Variants in GPC5 observed in about 807,000 individuals in gnomAD.
GPC5 encodes glypican 5.
GPC5 carries 47 observed loss-of-function variants against 53.9 expected under a neutral mutation model. That is an observed-to-expected ratio of 0.87 (90% CI 0.69 to 1.11). The LOEUF is 1.11. Ranked by LOEUF, GPC5 falls within the 50% of genes most tolerant of loss-of-function variation. GPC5 has a pLI of 0.00. For missense variants in GPC5, 748 were observed against 713.1 expected, an observed-to-expected ratio of 1.05 and a Z score of -0.56; for synonymous variants, 286 against 263.3, an observed-to-expected ratio of 1.09 and a Z score of -0.84.
At chr13:92,142,758 T>A (rs889167197) in intron 6 of GPC5, among the ~76,000 whole-genome samples, 1 of 152,074 alleles carries the variant, frequency 6.6e-6, no homozygotes, top group Non-Finnish European at 1.5e-5. Context: ...CTTGCCACGA[T>A]CCCAGTAAAA....
rs569423076 is a variant in GPC5, at chr13:92,519,550, G to A, written c.1562-346732G>A. ...ACTACTGGGTACATAATGAAATGAA[G>A]GCAGAAATAAAGATGTTCTTTGAAA... is the stretch of plus-strand genomic sequence containing the variant. On this transcript the variant is annotated intron_variant, in intron 7 of 7. Coordinates refer to ENST00000377067, the MANE Select transcript of GPC5 (RefSeq NM_004466.6). 3.6e-3 allele frequency among the ~76,000 whole-genome samples: 541 copies of A among 152,282 alleles called. 1 individual carries two copies. Among genetic ancestry groups the A allele is most frequent in the African/African-American group, 0.012 (503 of 41,556 alleles).
chr13:92,435,048 T>C (rs181779518), intron 7 of GPC5, among the ~76,000 whole-genome samples: 254 of 152,196 alleles, frequency 1.7e-3, no homozygotes, highest in African/African-American at 5.9e-3. Context: ...CTGAGTTGCT[T>C]GGACTACAGG....
At chr13:92,337,249 A>G (rs543239997) in intron 7 of GPC5, among the ~76,000 whole-genome samples, 1 of 152,176 alleles carries the variant, frequency 6.6e-6, no homozygotes, top group African/African-American at 2.4e-5. Flanking sequence ...TATCTTCAAG[A>G]TCTATCTGAG....
chr13:92,326,414 A>G (rs1212626602), intron 7 of GPC5, among the ~76,000 whole-genome samples: 1 of 152,132 alleles, frequency 6.6e-6, no homozygotes, highest in African/African-American at 2.4e-5. Flanking sequence ...ATATTTTTAT[A>G]GAAACTTCAG....
At chr13:92,698,015 A>T (rs971043942) in intron 7 of GPC5, among the ~76,000 whole-genome samples, 1 of 152,126 alleles carries the variant, frequency 6.6e-6, no homozygotes, top group Non-Finnish European at 1.5e-5. Context: ...TGATTTGTGT[A>T]TGTTGAACCA....
chr13:92,385,966 C>A (rs1482643455), intron 7 of GPC5, among the ~76,000 whole-genome samples: 3 of 151,576 alleles, frequency 2.0e-5, no homozygotes, highest in Non-Finnish European at 4.4e-5. Flanking sequence ...CCCCATAAAA[C>A]AATCCTATTT....
intron 7 of GPC5, among the ~76,000 whole-genome samples, chr13:92,345,845 GA>G (rs2043407032): frequency 6.6e-6 from 1 of 152,162 alleles, no homozygotes; most frequent in African/African-American, 2.4e-5. Flanking sequence ...AGGTCAGATA[GA>G]AACAAAGGAG....
intron 7 of GPC5, among the ~76,000 whole-genome samples, chr13:92,645,222 T>C (rs895783976): frequency 1.2e-4 from 19 of 152,152 alleles, no homozygotes; most frequent in African/African-American, 3.9e-4. Context: ...CTCAGCTCAC[T>C]GCAACCTCCA....
intron 2 of GPC5, among the ~76,000 whole-genome samples, chr13:91,480,731 A>G (rs1429601230): frequency 2.0e-5 from 3 of 152,170 alleles, no homozygotes; most frequent in Admixed American, 6.5e-5. Context: ...GGTTATACCT[A>G]TGGAGCGCTG....
intron 7 of GPC5, among the ~76,000 whole-genome samples, chr13:92,593,290 C>A (rs557832574): frequency 1.3e-5 from 2 of 151,276 alleles, no homozygotes; most frequent in South Asian, 4.2e-4. Flanking sequence ...AACGTGATTG[C>A]AATGTGGGTT....
chr13:91,650,750 G>GTTTTGTTTTGTTTTTT (rs1555333961), intron 2 of GPC5, among the ~76,000 whole-genome samples: 30 of 99,596 alleles, frequency 3.0e-4, no homozygotes, highest in African/African-American at 1.1e-3. Context: ...ATTCCCATAA[G>GTTTTGTTTTGTTTTTT]TTTTTTTTTT....
chr13:91,834,419 A>G (rs2038699296), intron 5 of GPC5, among the ~76,000 whole-genome samples: 2 of 152,190 alleles, frequency 1.3e-5, no homozygotes, highest in African/African-American at 4.8e-5. Context: ...TGGAACCAAA[A>G]AAGAGCCCAC....
chr13:91,892,242 G>A (rs2039394212), intron 5 of GPC5, among the ~76,000 whole-genome samples: 1 of 151,712 alleles, frequency 6.6e-6, no homozygotes, highest in Non-Finnish European at 1.5e-5. Flanking sequence ...TGACCACATA[G>A]TATTTTTTCT....
At chr13:92,464,028 A>G (rs1878596090) in intron 7 of GPC5, among the ~76,000 whole-genome samples, 1 of 152,220 alleles carries the variant, frequency 6.6e-6, no homozygotes, top group Admixed American at 6.5e-5. Flanking sequence ...CTGTGTATAT[A>G]TCGTTTCAAC....
chr13:91,737,016 A>C (rs923648469), intron 4 of GPC5, among the ~76,000 whole-genome samples: 4 of 151,362 alleles, frequency 2.6e-5, no homozygotes, highest in Non-Finnish European at 5.9e-5. Flanking sequence ...AGGCAGGAGA[A>C]TGGCGTGAAC....
At chr13:92,581,914 T>A (rs1883386284) in intron 7 of GPC5, among the ~76,000 whole-genome samples, 1 of 152,150 alleles carries the variant, frequency 6.6e-6, no homozygotes, top group Non-Finnish European at 1.5e-5. Context: ...ATTTTCTGTT[T>A]TCTTAGTTTT....
chr13:92,365,686 T>G (rs936510568), intron 7 of GPC5, among the ~76,000 whole-genome samples: 1 of 151,190 alleles, frequency 6.6e-6, no homozygotes, highest in Non-Finnish European at 1.5e-5. Flanking sequence ...ACTTTGTAAA[T>G]TTTTTGTTAA....
chr13:92,646,998 A>G (rs1885796337), intron 7 of GPC5, among the ~76,000 whole-genome samples: 1 of 149,008 alleles, frequency 6.7e-6, no homozygotes, highest in Non-Finnish European at 1.5e-5. Context: ...GACCTTGGAA[A>G]TTTCACGTTT....
intron 2 of GPC5, among the ~76,000 whole-genome samples, chr13:91,516,131 T>C (rs1332639357): frequency 6.6e-6 from 1 of 152,066 alleles, no homozygotes; most frequent in Non-Finnish European, 1.5e-5. Flanking sequence ...AACTATGTCA[T>C]TCCACCCCTG....
Sources: allele counts gnomAD v4.1 joint callset (sites outside exome capture counted in the v4.1 genomes callset), GRCh38; gene constraint gnomAD v4.1.1; transcripts MANE v1.5; gene names NCBI Gene and HGNC (gene_info 2026-07-23, HGNC 2026-07-21).